The following MAPKAP1 variants were observed in gnomAD, a reference collection of about 807,000 sequenced individuals.
The protein encoded by MAPKAP1 is MAPK associated protein 1.
Under a neutral mutation model 65.7 loss-of-function variants are expected in MAPKAP1, and 20 were observed. That is an observed-to-expected ratio of 0.30 (90% CI 0.21 to 0.44). The LOEUF is 0.44. Ranked by LOEUF, MAPKAP1 falls within the 20% of genes least tolerant of loss-of-function variation. MAPKAP1 has a pLI of 1.00. For missense variants in MAPKAP1, 423 were observed against 648.0 expected, an observed-to-expected ratio of 0.65 and a Z score of 3.77; for synonymous variants, 222 against 244.3, an observed-to-expected ratio of 0.91 and a Z score of 0.85.
At chr9:125,481,227 C>T (rs1854303828) in intron 9 of MAPKAP1, among the ~76,000 whole-genome samples, 2 of 152,162 alleles carry the variant, frequency 1.3e-5, no homozygotes, top group South Asian at 4.1e-4. Flanking sequence ...AAATAATTTA[C>T]ATGTCAGGCT....
chr9:125,604,608 ATAGT>A (rs1832392378), intron 4 of MAPKAP1, among the ~76,000 whole-genome samples: 1 of 152,366 alleles, frequency 6.6e-6, no homozygotes, highest in African/African-American at 2.4e-5. Flanking sequence ...ATTTCATTAC[ATAGT>A]TAAACTTGCT....
At chr9:125,448,165 T>A (rs1470284824) in intron 10 of MAPKAP1, among the ~76,000 whole-genome samples, 1 of 152,124 alleles carries the variant, frequency 6.6e-6, no homozygotes, top group African/African-American at 2.4e-5. Flanking sequence ...AGTGCAGTTT[T>A]GAGCTAGACA....
rs1033640538 is a variant in MAPKAP1, at chr9:125,437,719, A to G, written c.*1168T>C. On this transcript the variant is annotated 3_prime_UTR_variant, in exon 12 of 12. Transcript: ENST00000265960. Reference sequence around the variant, plus strand: ...CTCTTCCTGTACAACAATTTAAAAAATGTTTCTAATGCAGGTCCTCAGTGA... The same window carrying G: ...CTCTTCCTGTACAACAATTTAAAAAGTGTTTCTAATGCAGGTCCTCAGTGA... The G allele has an allele frequency of 1.3e-5, 2 of 152,378 alleles. No individual in the cohort carries two copies. The highest frequency in any genetic ancestry group is 4.8e-5 in the African/African-American group (2 of 41,462). The allele number at this position is 152,378 out of a possible 1,614,324, so 9.4% of individuals were successfully genotyped here.
At position 125,635,931 on chromosome 9, in the gene MAPKAP1, T is replaced by C. The variant is rs144884140; in HGVS notation, c.498+21720A>G. Among the ~76,000 whole-genome samples the C allele has an allele frequency of 4.2e-3, 642 of 152,310 alleles. 6 individuals carry two copies. The highest frequency in any genetic ancestry group is 0.015 in the African/African-American group (614 of 41,574). On this transcript the variant is annotated intron_variant, in intron 4 of 11. Transcript: ENST00000265960. ...TAAGTTTTCACTAAATTAAACTAAA[T>C]AGAAATTGTTAACAGACATGTTAAC...
intron 7 of MAPKAP1, chr9:125,521,409 T>C: frequency 1.0e-6 from 1 of 992,930 alleles, no homozygotes; most frequent in Non-Finnish European, 1.2e-6. Flanking sequence ...CTTGAGTCAC[T>C]GTGACAATAC....
chr9:125,452,181 C>G (rs1371241609), intron 10 of MAPKAP1, among the ~76,000 whole-genome samples: 2 of 151,992 alleles, frequency 1.3e-5, no homozygotes, highest in Non-Finnish European at 2.9e-5. Context: ...TCACTGCAAT[C>G]TCTGTCTCCT....
intron 6 of MAPKAP1, among the ~76,000 whole-genome samples, chr9:125,554,394 T>A (rs1830673941): frequency 1.3e-5 from 2 of 152,130 alleles, no homozygotes; most frequent in African/African-American, 4.8e-5. Flanking sequence ...GAGGTGAGCA[T>A]CAGGGAGTGC....
intron 8 of MAPKAP1, among the ~76,000 whole-genome samples, chr9:125,496,223 G>C (rs377759991): frequency 6.6e-6 from 1 of 152,168 alleles, no homozygotes; most frequent in African/African-American, 2.4e-5. Context: ...GGACTCACAG[G>C]TATGTGGCGA....
chr9:125,496,825 C>T (rs1479882209), intron 8 of MAPKAP1, among the ~76,000 whole-genome samples: 1 of 152,124 alleles, frequency 6.6e-6, no homozygotes, highest in Non-Finnish European at 1.5e-5. Context: ...CCTTAAAAGC[C>T]ATCTTGTACT....
chr9:125,521,528 T>C (rs1829617387), intron 7 of MAPKAP1: 1 of 1,326,016 alleles, frequency 7.5e-7, no homozygotes, highest in Non-Finnish European at 9.6e-7. Context: ...TGGAAACCAG[T>C]GGGGTAATGC....
intron 9 of MAPKAP1, among the ~76,000 whole-genome samples, chr9:125,473,078 C>CTTT (rs77182446): frequency 7.5e-6 from 1 of 133,282 alleles, no homozygotes; most frequent in Non-Finnish European, 1.6e-5. Flanking sequence ...TTCAGCAGAA[C>CTTT]TTTTTTTTTT....
intron 10 of MAPKAP1, among the ~76,000 whole-genome samples, chr9:125,451,845 T>G (rs1236906617): frequency 3.4e-5 from 5 of 145,454 alleles, no homozygotes; most frequent in Non-Finnish European, 6.0e-5. Flanking sequence ...AGTCTCGCTC[T>G]ATCCCCCAGG....
At chr9:125,622,070 G>A (rs149752449) in intron 4 of MAPKAP1, among the ~76,000 whole-genome samples, 1 of 152,228 alleles carries the variant, frequency 6.6e-6, no homozygotes, top group Non-Finnish European at 1.5e-5. Flanking sequence ...CTCATATGTG[G>A]GAGCTTAAAA....
chr9:125,671,646 A>C (rs1834500559), intron 2 of MAPKAP1, among the ~76,000 whole-genome samples: 1 of 152,200 alleles, frequency 6.6e-6, no homozygotes, highest in African/African-American at 2.4e-5. Flanking sequence ...CACCAAAAAA[A>C]TATAAGTGGG....
chr9:125,508,904 ATAT>A (rs1031259647), intron 7 of MAPKAP1, among the ~76,000 whole-genome samples: 1 of 152,228 alleles, frequency 6.6e-6, no homozygotes, highest in African/African-American at 2.4e-5. Flanking sequence ...ATTAAATAAA[ATAT>A]TATGAAATAC....
intron 6 of MAPKAP1, among the ~76,000 whole-genome samples, chr9:125,547,975 CACAAT>C (rs1830477589): frequency 6.6e-6 from 1 of 152,190 alleles, no homozygotes; most frequent in South Asian, 2.1e-4. Flanking sequence ...TTTTGATTTG[CACAAT>C]ACAAGTTGTC....
At chr9:125,571,201 G>T (rs1589297505) in intron 5 of MAPKAP1, among the ~76,000 whole-genome samples, 1 of 152,174 alleles carries the variant, frequency 6.6e-6, no homozygotes, top group African/African-American at 2.4e-5. Context: ...ATATAACTTA[G>T]TGTATGTAAT....
At chr9:125,648,835 G>T (rs1799137806) in intron 4 of MAPKAP1, among the ~76,000 whole-genome samples, 1 of 152,074 alleles carries the variant, frequency 6.6e-6, no homozygotes, top group Non-Finnish European at 1.5e-5. Flanking sequence ...CAGCTACTTG[G>T]GAGGCTGAGG....
chr9:125,537,853 C>T (rs1031528360), intron 7 of MAPKAP1, among the ~76,000 whole-genome samples: 4 of 152,132 alleles, frequency 2.6e-5, no homozygotes, highest in Non-Finnish European at 4.4e-5. Context: ...AAAGTAAGGC[C>T]TACTGTGTGT....
Sources: allele counts gnomAD v4.1 joint callset (sites outside exome capture counted in the v4.1 genomes callset), GRCh38; gene constraint gnomAD v4.1.1; transcripts MANE v1.5; gene names NCBI Gene and HGNC (gene_info 2026-07-23, HGNC 2026-07-21).